Variants in PDE8B observed in about 807,000 individuals in gnomAD.
PDE8B encodes phosphodiesterase 8B, also known as high affinity cAMP-specific and IBMX-insensitive 3',5'-cyclic phosphodiesterase 8B.
Under a neutral mutation model 101.3 loss-of-function variants are expected in PDE8B, and 26 were observed. That is an observed-to-expected ratio of 0.26 (90% CI 0.19 to 0.36). PDE8B has a LOEUF of 0.36. PDE8B is among the 10% of genes least tolerant of loss of function. The pLI, the probability that PDE8B is intolerant of heterozygous loss-of-function variation, is 1.00. For synonymous variants in PDE8B, 424 were observed against 429.3 expected (o/e 0.99, Z 0.15); for missense variants, 810 against 1,163.1 (o/e 0.70, Z 4.42).
chr5:77,097,120 G>A, the PDE8B span, among the ~76,000 whole-genome samples: 1 of 151,994 alleles, frequency 6.6e-6, no homozygotes, highest in African/African-American at 2.4e-5. Flanking sequence ...GGATTTGAAA[G>A]GAAGAAGACA....
intron 5 of PDE8B, among the ~76,000 whole-genome samples, chr5:77,336,947 A>G (rs940273111): frequency 6.6e-6 from 1 of 152,230 alleles, no homozygotes; most frequent in Non-Finnish European, 1.5e-5. Flanking sequence ...AGTCATTTAC[A>G]TGGCTGGGCA....
At chr5:77,089,806 A>G in the PDE8B span, among the ~76,000 whole-genome samples, 1 of 152,218 alleles carries the variant, frequency 6.6e-6, no homozygotes, top group Non-Finnish European at 1.5e-5. Context: ...TTATTTATCC[A>G]AAGGAAAGGA....
At chr5:77,237,143 A>G (rs1754860210) in intron 1 of PDE8B, among the ~76,000 whole-genome samples, 1 of 152,100 alleles carries the variant, frequency 6.6e-6, no homozygotes, top group African/African-American at 2.4e-5. Flanking sequence ...TTCTACCTGT[A>G]TAATTATGTT....
At chr5:77,378,246 C>A (rs1269796391) in intron 10 of PDE8B, among the ~76,000 whole-genome samples, 6 of 151,764 alleles carry the variant, frequency 4.0e-5, no homozygotes, top group Non-Finnish European at 8.8e-5. Flanking sequence ...GGATCATGAG[C>A]TCAAGAGATC....
intron 1 of PDE8B, among the ~76,000 whole-genome samples, chr5:77,311,478 G>T (rs898842039): frequency 6.6e-6 from 1 of 152,136 alleles, no homozygotes; most frequent in Non-Finnish European, 1.5e-5. Flanking sequence ...TAAGCTGTTT[G>T]ACCCTCATAG....
intron 20 of PDE8B, among the ~76,000 whole-genome samples, chr5:77,423,797 C>T (rs549281217): frequency 3.0e-3 from 459 of 151,630 alleles, no homozygotes; most frequent in Admixed American, 4.5e-3. Flanking sequence ...CTGCCATGCC[C>T]GGCTAATTTT....
At chr5:77,335,756 A>G (rs1041754176) in intron 5 of PDE8B, among the ~76,000 whole-genome samples, 9 of 152,122 alleles carry the variant, frequency 5.9e-5, no homozygotes, top group Non-Finnish European at 8.8e-5. Flanking sequence ...TTTCTACTTA[A>G]TAGTTTGCCA....
upstream of PDE8B, among the ~76,000 whole-genome samples, chr5:77,209,014 T>C (rs1054370706): frequency 1.3e-5 from 2 of 152,192 alleles, no homozygotes; most frequent in Non-Finnish European, 2.9e-5. Flanking sequence ...AAATGTTGAC[T>C]ACAAGAGCAC....
the PDE8B span, among the ~76,000 whole-genome samples, chr5:77,128,175 T>C: frequency 0.084 from 12,797 of 152,186 alleles, 1,537 homozygotes; most frequent in African/African-American, 0.27. Context: ...ACCCAGAGCC[T>C]CTCCCTTCCA....
chr5:77,270,933 T>C (rs891209112), intron 1 of PDE8B, among the ~76,000 whole-genome samples: 1 of 152,140 alleles, frequency 6.6e-6, no homozygotes, highest in Non-Finnish European at 1.5e-5. Flanking sequence ...CTTTCCAGTG[T>C]AGATCCTAGG....
chr5:77,196,102 T>C, the PDE8B span, among the ~76,000 whole-genome samples: 2 of 152,224 alleles, frequency 1.3e-5, no homozygotes, highest in Admixed American at 1.3e-4. Flanking sequence ...TCTTTGTCTC[T>C]TTTTGAATTG....
chr5:77,171,322 T>C, the PDE8B span, among the ~76,000 whole-genome samples: 2 of 152,144 alleles, frequency 1.3e-5, no homozygotes, highest in Non-Finnish European at 2.9e-5. Flanking sequence ...CTGAAATAGA[T>C]GGATGTCAGT....
intron 1 of PDE8B, among the ~76,000 whole-genome samples, chr5:77,265,246 G>A (rs1025570469): frequency 2.0e-5 from 3 of 152,190 alleles, no homozygotes; most frequent in African/African-American, 7.2e-5. Flanking sequence ...ATCAGTGGTG[G>A]TGTTGGCACA....
At chr5:77,258,578 GGACCTGATAGGAT>G (rs2149680028) in intron 1 of PDE8B, among the ~76,000 whole-genome samples, 1 of 152,254 alleles carries the variant, frequency 6.6e-6, no homozygotes, top group Non-Finnish European at 1.5e-5. Flanking sequence ...AAAACAGGCT[GGACCTGATAGGAT>G]ACCATCAGGA....
At chr5:77,312,993 A>G (rs557454542) in intron 2 of PDE8B, among the ~76,000 whole-genome samples, 1 of 152,312 alleles carries the variant, frequency 6.6e-6, no homozygotes, top group South Asian at 2.1e-4. Context: ...TAAGAGAAAC[A>G]TGTATGAAGA....
chr5:77,379,839 A>G (rs1008060123), intron 10 of PDE8B, among the ~76,000 whole-genome samples: 3 of 152,220 alleles, frequency 2.0e-5, no homozygotes, highest in Non-Finnish European at 4.4e-5. Flanking sequence ...GTTCTGTACT[A>G]TACCACTCAC....
chr5:77,191,285 C>T, the PDE8B span, among the ~76,000 whole-genome samples: 3 of 152,120 alleles, frequency 2.0e-5, no homozygotes, highest in Admixed American at 2.0e-4. Flanking sequence ...CAGTCCATAA[C>T]ATGAGGTAAA....
intron 6 of PDE8B, among the ~76,000 whole-genome samples, chr5:77,342,410 C>T (rs1779366375): frequency 1.3e-5 from 2 of 152,134 alleles, no homozygotes; most frequent in Admixed American, 1.3e-4. Flanking sequence ...AATACAGAGC[C>T]AGATTTCACC....
At chr5:77,376,700 T>C (rs1004091737) in intron 10 of PDE8B, among the ~76,000 whole-genome samples, 3 of 152,208 alleles carry the variant, frequency 2.0e-5, no homozygotes, top group Admixed American at 6.5e-5. Context: ...GTGATAAAAC[T>C]GTTTTACATT....
Sources: allele counts gnomAD v4.1 joint callset (sites outside exome capture counted in the v4.1 genomes callset), GRCh38; gene constraint gnomAD v4.1.1; transcripts MANE v1.5; gene names NCBI Gene and HGNC (gene_info 2026-07-23, HGNC 2026-07-21).